CPNE4: variants seen among roughly 807,000 people sequenced by gnomAD.
CPNE4 encodes the protein copine-4.
CPNE4 carries 25 observed loss-of-function variants against 67.9 expected under a neutral mutation model. The ratio of observed to expected loss-of-function variants is 0.37; its 90% CI spans 0.27 to 0.51. The LOEUF is 0.51. Among genes scored for constraint, CPNE4 ranks in the 20% least tolerant of loss-of-function variants. The probability of loss-of-function intolerance (pLI) is 0.93; values close to 1 mark genes in which losing one functional copy is unlikely to be tolerated. For missense variants in CPNE4, 464 were observed against 690.8 expected, an observed-to-expected ratio of 0.67 and a Z score of 3.68; for synonymous variants, 242 against 244.9, an observed-to-expected ratio of 0.99 and a Z score of 0.11.
rs185405902 is a variant in CPNE4 at position 131,612,537 on chromosome 3, T to C, written c.682-24955A>G. ...TGTCATGGAAGAGGAGTCAGATCCA[T>C]AGAGTGGTGAAAGAGAGAATCCTGT... On this transcript the variant is annotated intron_variant, in intron 7 of 15. Coordinates refer to ENST00000429747, the MANE Select transcript of CPNE4 (RefSeq NM_130808.3). Among the ~76,000 whole-genome samples the C allele has an allele frequency of 1.5e-3, 224 of 152,300 alleles. 3 individuals are homozygous for C. The highest frequency in any genetic ancestry group is 4.1e-4 in the Non-Finnish European group (28 of 68,020).
At chr3:131,951,940 T>C (rs1399241228) in intron 1 of CPNE4, among the ~76,000 whole-genome samples, 2 of 152,174 alleles carry the variant, frequency 1.3e-5, no homozygotes, top group African/African-American at 4.8e-5. Context: ...CCACCTGCCT[T>C]GGCCTCCCAA....
chr3:131,612,912 A>G (rs1939934939), intron 7 of CPNE4, among the ~76,000 whole-genome samples: 1 of 152,230 alleles, frequency 6.6e-6, no homozygotes, highest in Non-Finnish European at 1.5e-5. Context: ...CCTGAATGTC[A>G]TTACCTTAGT....
intron 1 of CPNE4, among the ~76,000 whole-genome samples, chr3:132,004,558 A>G (rs2073537496): frequency 6.6e-6 from 1 of 152,156 alleles, no homozygotes; most frequent in African/African-American, 2.4e-5. Flanking sequence ...TCTGATGAAA[A>G]AGGTTTTCAC....
chr3:132,031,181 CACCAAAGA>C (rs1458067001), intron 1 of CPNE4, among the ~76,000 whole-genome samples: 1 of 152,160 alleles, frequency 6.6e-6, no homozygotes, highest in Non-Finnish European at 1.5e-5. Flanking sequence ...AGTTTTAATG[CACCAAAGA>C]ATGGTCTTGA....
chr3:131,548,109 G>C (rs1489302513), intron 14 of CPNE4, among the ~76,000 whole-genome samples: 1 of 152,102 alleles, frequency 6.6e-6, no homozygotes, highest in African/African-American at 2.4e-5. Context: ...GGGACCTTGG[G>C]AATTTGGATC....
At chr3:131,885,955 A>G (rs951031357) in intron 2 of CPNE4, among the ~76,000 whole-genome samples, 12 of 152,254 alleles carry the variant, frequency 7.9e-5, no homozygotes, top group Non-Finnish European at 8.8e-5. Flanking sequence ...TGCAATAGAA[A>G]AGAAAATCCC....
At chr3:131,684,471 C>T (rs190200333) in intron 6 of CPNE4, among the ~76,000 whole-genome samples, 30 of 152,258 alleles carry the variant, frequency 2.0e-4, no homozygotes, top group African/African-American at 7.0e-4. Context: ...TTTTATTAAA[C>T]ACTTTTTTTA....
chr3:131,643,914 C>T (rs1456769852), intron 7 of CPNE4, among the ~76,000 whole-genome samples: 1 of 152,136 alleles, frequency 6.6e-6, no homozygotes, highest in African/African-American at 2.4e-5. Flanking sequence ...CCTCCCCAGC[C>T]CTGCAGAACA....
chr3:131,877,223 A>G (rs1340656033), intron 2 of CPNE4, among the ~76,000 whole-genome samples: 1 of 152,138 alleles, frequency 6.6e-6, no homozygotes, highest in Non-Finnish European at 1.5e-5. Context: ...CCAGACATGG[A>G]TGATACAGCC....
chr3:131,823,263 A>G (rs912218974), intron 2 of CPNE4, among the ~76,000 whole-genome samples: 4 of 152,250 alleles, frequency 2.6e-5, no homozygotes. Context: ...TTCAGTCCTC[A>G]TTGCAAGCTT....
intron 2 of CPNE4, among the ~76,000 whole-genome samples, chr3:131,795,071 TGA>T (rs2083884401): frequency 6.6e-6 from 1 of 152,174 alleles, no homozygotes; most frequent in African/African-American, 2.4e-5. Flanking sequence ...ACTCCGCTAT[TGA>T]GAGAGGTGAA....
At chr3:131,636,705 G>A (rs76888872) in intron 7 of CPNE4, among the ~76,000 whole-genome samples, 22,882 of 152,072 alleles carry the variant, frequency 0.15, 3,831 homozygotes, top group African/African-American at 0.41. Context: ...TCTTGAAAGC[G>A]CAACCTCCTG....
chr3:132,006,115 A>G (rs2073597048), intron 1 of CPNE4, among the ~76,000 whole-genome samples: 1 of 152,094 alleles, frequency 6.6e-6, no homozygotes, highest in South Asian at 2.1e-4. Context: ...TGTTTTATTT[A>G]CCTGCAGGGG....
At chr3:131,784,962 A>G (rs1284715682) in intron 2 of CPNE4, among the ~76,000 whole-genome samples, 1 of 152,068 alleles carries the variant, frequency 6.6e-6, no homozygotes, top group Non-Finnish European at 1.5e-5. Flanking sequence ...TTAGAGACAA[A>G]TGGGCTTGTG....
chr3:131,858,911 G>A (rs1231030759), intron 2 of CPNE4, among the ~76,000 whole-genome samples: 1 of 152,096 alleles, frequency 6.6e-6, no homozygotes, highest in African/African-American at 2.4e-5. Flanking sequence ...GTGCTTTTAG[G>A]AAGCTTTAAA....
chr3:131,792,636 C>CGTGTATATATGTATATATATACACGT (rs2083767200), intron 2 of CPNE4, among the ~76,000 whole-genome samples: 3 of 66,968 alleles, frequency 4.5e-5, no homozygotes, highest in Non-Finnish European at 8.9e-5. Flanking sequence ...TATATACACA[C>CGTGTATATATGTATATATATACACGT]GTGTATATAT....
intron 7 of CPNE4, among the ~76,000 whole-genome samples, chr3:131,642,795 G>C (rs1003938555): frequency 4.6e-5 from 7 of 152,108 alleles, no homozygotes; most frequent in African/African-American, 1.7e-4. Flanking sequence ...ATAATTGTAA[G>C]TTTCCTGAGG....
chr3:132,002,626 A>C lies in CPNE4; in HGVS notation c.-2+31941T>G, dbSNP rs143885817. Among the ~76,000 whole-genome samples the C allele has an allele frequency of 6.0e-3, 909 of 152,234 alleles. 10 individuals are homozygous for C. Among genetic ancestry groups the C allele is most frequent in the African/African-American group, 0.02 (834 of 41,546 alleles). On this transcript the variant is annotated intron_variant, in intron 1 of 15. Coordinates refer to ENST00000429747, the MANE Select transcript of CPNE4 (RefSeq NM_130808.3). ...AATATGACGCAGGATTTATGTGAGGAGGCGTGTTTCTGTTACATCTGCATC... is the reference window on the plus strand; with the variant it reads ...AATATGACGCAGGATTTATGTGAGGCGGCGTGTTTCTGTTACATCTGCATC...
At chr3:131,934,939 G>T (rs2071180007) in intron 1 of CPNE4, among the ~76,000 whole-genome samples, 1 of 152,148 alleles carries the variant, frequency 6.6e-6, no homozygotes, top group Non-Finnish European at 1.5e-5. Context: ...CTATTTGATG[G>T]CTTCTATTTC....
Sources: gnomAD v4.1 joint callset for allele counts (sites outside exome capture counted in the v4.1 genomes callset) on GRCh38, gnomAD v4.1.1 for gene constraint, MANE v1.5 for transcripts, NCBI Gene and HGNC (gene_info 2026-07-23, HGNC 2026-07-21) for gene names.